Variants in PRKN observed in about 807,000 individuals in gnomAD.
PRKN encodes the protein parkin RBR E3 ubiquitin protein ligase, also known as E3 ubiquitin-protein ligase parkin.
A neutral mutation model predicts 59.5 loss-of-function variants in PRKN; 56 were observed. The ratio of observed to expected loss-of-function variants is 0.94; its 90% CI spans 0.76 to 1.18. PRKN has a LOEUF of 1.18. PRKN is among the 50% of genes most tolerant of loss of function. PRKN has a pLI of 0.00. For missense variants in PRKN, 657 were observed against 596.4 expected, an observed-to-expected ratio of 1.10 and a Z score of -1.06; for synonymous variants, 250 against 222.1, an observed-to-expected ratio of 1.13 and a Z score of -1.12.
chr6:162,237,444 A>G (rs1027470288), intron 3 of PRKN, among the ~76,000 whole-genome samples: 1 of 152,150 alleles, frequency 6.6e-6, no homozygotes, highest in African/African-American at 2.4e-5. Context: ...TTCTTTGTTC[A>G]TGTTATCTCC....
At chr6:162,343,318 G>A (rs1470595157) in intron 2 of PRKN, among the ~76,000 whole-genome samples, 1 of 152,086 alleles carries the variant, frequency 6.6e-6, no homozygotes, top group South Asian at 2.1e-4. Context: ...GGTTCTAGAC[G>A]CACCTCACAT....
intron 6 of PRKN, among the ~76,000 whole-genome samples, chr6:161,862,895 G>A (rs1562345145): frequency 6.6e-6 from 1 of 152,094 alleles, no homozygotes; most frequent in Non-Finnish European, 1.5e-5. Context: ...GATGTCAGAG[G>A]TACAAGACAC....
chr6:161,963,839 G>A lies in PRKN; in HGVS notation c.734+9463C>T, dbSNP rs151040133. On this transcript the variant is annotated intron_variant, in intron 6 of 11. Coordinates refer to ENST00000366898, the MANE Select transcript of PRKN (RefSeq NM_004562.3). ...AGTCTTGTGCTGGCCACGGTAGGGA[G>A]GACCAGTCACACTGGCATGTCAGTC... Among the ~76,000 whole-genome samples, 906 of 152,310 alleles carry A rather than the reference G, an allele frequency of 5.9e-3. 4 individuals carry two copies. The highest frequency in any genetic ancestry group is 0.014 in the Admixed American group (218 of 15,294).
Position 161,874,239 on chromosome 6 carries a change from TAATATATAATATATATTATATGTAA to T in PRKN, c.735-88356_735-88332del, listed in dbSNP as rs1343487159. Among the ~76,000 whole-genome samples, 5 of 22,134 alleles carry T rather than the reference TAATATATAATATATATTATATGTAA, an allele frequency of 2.3e-4. 1 individual carries two copies. The highest frequency in any genetic ancestry group is 2.8e-4 in the African/African-American group (2 of 7,160). The allele number at this position is 22,134 out of a possible 152,430, so 14.5% of individuals were successfully genotyped here. A position where few individuals can be genotyped will look rare whatever the true frequency, so the allele number is the denominator to read the frequency against. On this transcript the variant is annotated intron_variant, in intron 6 of 11. Coordinates refer to ENST00000366898, the MANE Select transcript of PRKN (RefSeq NM_004562.3). ...TATAATATATATTATATATAATATATAATATATAATATATATTATATGTAAAATATATAATATATATTATATATTA... is the reference window on the plus strand; with the variant it reads ...TATAATATATATTATATATAATATATAATATATAATATATATTATATATTA...
At chr6:162,632,156 G>GTA (rs1783136032) in intron 1 of PRKN, among the ~76,000 whole-genome samples, 1 of 152,110 alleles carries the variant, frequency 6.6e-6, no homozygotes, top group Non-Finnish European at 1.5e-5. Context: ...CCATTACTGG[G>GTA]TATATACTCA....
At chr6:161,602,209 C>T (rs1444127970) in intron 7 of PRKN, among the ~76,000 whole-genome samples, 1 of 152,142 alleles carries the variant, frequency 6.6e-6, no homozygotes, top group Non-Finnish European at 1.5e-5. Flanking sequence ...AATCAACCAA[C>T]CATTCAATGT....
chr6:161,459,840 T>A lies in PRKN; in HGVS notation c.1084-72963A>T, dbSNP rs1489612801. 2.0e-5 allele frequency among the ~76,000 whole-genome samples: 3 copies of A among 152,220 alleles called. No homozygotes were observed. Among genetic ancestry groups the A allele is most frequent in the Admixed American group, 1.3e-4 (2 of 15,288 alleles). On this transcript the variant is annotated intron_variant, in intron 9 of 11. Coordinates refer to ENST00000366898, the MANE Select transcript of PRKN (RefSeq NM_004562.3). This position sits in a 1 kb window ranked among gnomAD's most constrained non-coding sequence, Gnocchi z 4.8. Reference sequence around the variant, plus strand: ...CAATGACTTACCCCTAATGGGAGATTTCTGGCCCAGAAATGGGTCAGCAGA... The same window carrying A: ...CAATGACTTACCCCTAATGGGAGATATCTGGCCCAGAAATGGGTCAGCAGA...
At chr6:161,824,859 C>A (rs1033011139) in intron 6 of PRKN, among the ~76,000 whole-genome samples, 1 of 152,130 alleles carries the variant, frequency 6.6e-6, no homozygotes, top group African/African-American at 2.4e-5. Context: ...TATGCCAACA[C>A]AAAAGGACAT....
intron 6 of PRKN, among the ~76,000 whole-genome samples, chr6:161,806,010 G>A (rs546401463): frequency 6.6e-6 from 1 of 152,214 alleles, no homozygotes; most frequent in African/African-American, 2.4e-5. Flanking sequence ...CCACAGAGCA[G>A]CCTACTCCCT....
At chr6:161,887,722 A>T (rs759713998) in intron 6 of PRKN, among the ~76,000 whole-genome samples, 8 of 152,186 alleles carry the variant, frequency 5.3e-5, no homozygotes, top group Non-Finnish European at 1.0e-4. Flanking sequence ...TGCTACTTGG[A>T]CTTGTGTAGA....
At position 161,750,098 on chromosome 6, in the gene PRKN, CATAT is replaced by C. The variant is rs72125109; in HGVS notation, c.871+35670_871+35673del. 3.9e-3 allele frequency among the ~76,000 whole-genome samples: 561 copies of C among 145,138 alleles called. 5 individuals carry two copies. The highest frequency in any genetic ancestry group is 0.014 in the African/African-American group (529 of 38,520). Reference sequence around the variant, plus strand: ...ATTAATGGATATAGCACACATAGGACATATATATATATATATATATACACACACA... The same window carrying C: ...ATTAATGGATATAGCACACATAGGACATATATATATATATATACACACACA... On this transcript the variant is annotated intron_variant, in intron 7 of 11. Coordinates refer to ENST00000366898, the MANE Select transcript of PRKN (RefSeq NM_004562.3).
intron 9 of PRKN, among the ~76,000 whole-genome samples, chr6:161,404,012 T>C (rs181598818): frequency 6.6e-6 from 1 of 152,278 alleles, no homozygotes; most frequent in East Asian, 1.9e-4. Context: ...TGGTATTCCA[T>C]GTAGCAACAG....
chr6:161,798,213 C>G (rs1277001862), intron 6 of PRKN, among the ~76,000 whole-genome samples: 9 of 152,046 alleles, frequency 5.9e-5, no homozygotes, highest in Non-Finnish European at 1.2e-4. Context: ...AACAAACAAG[C>G]AAACAAACCA....
intron 5 of PRKN, among the ~76,000 whole-genome samples, chr6:162,020,523 A>T (rs1783106018): frequency 6.6e-6 from 1 of 152,180 alleles, no homozygotes; most frequent in Non-Finnish European, 1.5e-5. Flanking sequence ...TAGGCTAAAC[A>T]TACATATCTT....
chr6:162,252,173 C>T (rs1402597304), intron 3 of PRKN, among the ~76,000 whole-genome samples: 2 of 152,122 alleles, frequency 1.3e-5, no homozygotes, highest in Non-Finnish European at 2.9e-5. Flanking sequence ...AGCTGTCACA[C>T]ATTGAATTTT....
chr6:161,985,189 G>C (rs1562438536), intron 5 of PRKN, among the ~76,000 whole-genome samples: 1 of 152,166 alleles, frequency 6.6e-6, no homozygotes, highest in East Asian at 1.9e-4. Flanking sequence ...TTGTAGCCTA[G>C]CCCGACAATA....
At chr6:162,414,112 G>T (rs933350397) in intron 2 of PRKN, among the ~76,000 whole-genome samples, 1 of 152,118 alleles carries the variant, frequency 6.6e-6, no homozygotes, top group Non-Finnish European at 1.5e-5. Context: ...GAACCTGGGA[G>T]GTGGAGACTG....
At chr6:161,996,888 C>T (rs1020687021) in intron 5 of PRKN, among the ~76,000 whole-genome samples, 1 of 151,886 alleles carries the variant, frequency 6.6e-6, no homozygotes, top group African/African-American at 2.4e-5. Flanking sequence ...AATCATCATG[C>T]TTCAAAAGGA....
chr6:162,408,579 C>G (rs893281717), intron 2 of PRKN, among the ~76,000 whole-genome samples: 1 of 152,086 alleles, frequency 6.6e-6, no homozygotes, highest in Non-Finnish European at 1.5e-5. Context: ...TGCAAACGTA[C>G]CACTAACTTA....
Sources: allele counts gnomAD v4.1 joint callset (sites outside exome capture counted in the v4.1 genomes callset), GRCh38; gene constraint gnomAD v4.1.1; non-coding constraint Gnocchi (gnomAD v3.1); transcripts MANE v1.5; gene names NCBI Gene and HGNC (gene_info 2026-07-23, HGNC 2026-07-21).